Variants in SRGAP3 observed in about 807,000 individuals in gnomAD.
SRGAP3 encodes the protein SLIT-ROBO Rho GTPase-activating protein 3.
SRGAP3 carries 39 observed loss-of-function variants against 121.1 expected under a neutral mutation model. That is an observed-to-expected ratio of 0.32 (90% CI 0.25 to 0.42). The LOEUF is 0.42. Ranked by LOEUF, SRGAP3 falls within the 10% of genes least tolerant of loss-of-function variation. SRGAP3 has a pLI of 1.00. For missense variants in SRGAP3, 1,213 were observed against 1,470.6 expected, an observed-to-expected ratio of 0.82 and a Z score of 2.86; for synonymous variants, 601 against 570.0, an observed-to-expected ratio of 1.05 and a Z score of -0.77.
chr3:9,114,301 A>T (rs1948730259), intron 2 of SRGAP3, among the ~76,000 whole-genome samples: 1 of 152,244 alleles, frequency 6.6e-6, no homozygotes, highest in Admixed American at 6.5e-5. Flanking sequence ...AACCCTGCAC[A>T]TAATAGTACT....
chr3:9,344,040 G>A (rs539978824), intron 1 of SRGAP3, among the ~76,000 whole-genome samples: 16 of 152,302 alleles, frequency 1.1e-4, no homozygotes, highest in African/African-American at 2.2e-4. Context: ...TGAAAATAGC[G>A]TGGGCACGGT....
chr3:9,188,911 G>T (rs1256518657), intron 1 of SRGAP3, among the ~76,000 whole-genome samples: 3 of 152,186 alleles, frequency 2.0e-5, no homozygotes, highest in Admixed American at 2.0e-4. Context: ...ATTAAAGAAA[G>T]AATTTGAGTA....
rs372278951 is a variant in SRGAP3 at position 9,015,637 on chromosome 3, G to C, written c.1773C>G (p.Leu591=). The change falls in exon 15 of 22, where the codon CTC becomes CTG. Residue 591 remains leucine, a synonymous_variant. Transcript: ENST00000383836. ...KLYFRGLENP[L]FPKERFQDLI... ...AATCTTGAAACCTTTCCTTAGGAAA[G>C]AGTGGGTTTTCCAGTCCTCGGAAAT... 106 of 1,614,030 alleles carry C rather than the reference G, an allele frequency of 6.6e-5. 1 individual carries two copies. The African/African-American group carries it at 1.1e-3, about 16-fold the overall frequency.
At chr3:8,992,810 T>C (rs1942138968) in intron 20 of SRGAP3, 96 bp downstream of exon 20, 3 of 1,603,096 alleles carry the variant, frequency 1.9e-6, no homozygotes, top group Admixed American at 1.7e-5. Flanking sequence ...GGGGCTGCAG[T>C]AGGCTCCTTC....
At chr3:9,098,705 G>A (rs1948087391) in intron 3 of SRGAP3, among the ~76,000 whole-genome samples, 1 of 152,210 alleles carries the variant, frequency 6.6e-6, no homozygotes, top group Non-Finnish European at 1.5e-5. Flanking sequence ...TTCATCTTAG[G>A]TTTGAAGAGT....
intron 14 of SRGAP3, among the ~76,000 whole-genome samples, chr3:9,021,555 A>G (rs1233534700): frequency 2.0e-5 from 3 of 151,536 alleles, no homozygotes; most frequent in African/African-American, 7.3e-5. Context: ...ATGAGAAGGA[A>G]AAAAAAAAGT....
chr3:9,174,498 G>A (rs1016992683), intron 1 of SRGAP3, among the ~76,000 whole-genome samples: 22 of 152,198 alleles, frequency 1.4e-4, no homozygotes, highest in African/African-American at 4.8e-4. Flanking sequence ...AGGAGACTGC[G>A]GGCAGAATGA....
chr3:9,075,326 A>G (rs1473644939), intron 4 of SRGAP3, among the ~76,000 whole-genome samples: 1 of 152,212 alleles, frequency 6.6e-6, no homozygotes, highest in African/African-American at 2.4e-5. Context: ...GTGAATGTGC[A>G]TATGTGCTAG....
intron 1 of SRGAP3, among the ~76,000 whole-genome samples, chr3:9,208,731 T>C (rs1413133647): frequency 6.6e-6 from 1 of 152,198 alleles, no homozygotes; most frequent in Non-Finnish European, 1.5e-5. Flanking sequence ...GGAGTCCTAG[T>C]TCAGCACAGG....
intron 3 of SRGAP3, among the ~76,000 whole-genome samples, chr3:9,281,159 C>T (rs536675039): frequency 8.6e-4 from 131 of 152,216 alleles, no homozygotes; most frequent in African/African-American, 3.0e-3. Context: ...CACTGAAATC[C>T]CAGGACTCAC....
At chr3:9,027,304 G>C (rs143122240) in intron 12 of SRGAP3, among the ~76,000 whole-genome samples, 90 of 152,332 alleles carry the variant, frequency 5.9e-4, no homozygotes, top group Middle Eastern at 3.4e-3. Flanking sequence ...ACCACCTCGG[G>C]GGGGTGCTGG....
intron 1 of SRGAP3, among the ~76,000 whole-genome samples, chr3:9,224,811 G>A: frequency 6.6e-6 from 1 of 152,196 alleles, no homozygotes; most frequent in Non-Finnish European, 1.5e-5. Context: ...ACCACACAGG[G>A]AGGGGCTGGC....
At chr3:9,254,146 A>G (rs2600167), upstream of SRGAP3, among the ~76,000 whole-genome samples, 147,086 of 152,286 alleles carry the variant, frequency 0.97, 71,044 homozygotes, top group East Asian at 1. Context: ...ATACTCATAC[A>G]TGAATATTCG....
intron 1 of SRGAP3, among the ~76,000 whole-genome samples, chr3:9,211,792 C>A (rs1416674079): frequency 2.6e-5 from 4 of 151,548 alleles, no homozygotes; most frequent in African/African-American, 9.7e-5. Context: ...CCTCTCACAT[C>A]AGCATCCTGA....
At chr3:9,354,060 C>G (rs981914441) in intron 1 of SRGAP3, among the ~76,000 whole-genome samples, 1 of 152,134 alleles carries the variant, frequency 6.6e-6, no homozygotes, top group Non-Finnish European at 1.5e-5. Context: ...ATCCCTTACA[C>G]TTAAAAGGTA....
At position 8,984,849 on chromosome 3, in the gene SRGAP3, G is replaced by C. The variant is rs1313322195; in HGVS notation, c.*670C>G. The C allele has an allele frequency of 4.3e-6, 1 of 229,930 alleles. No homozygotes were observed. Among genetic ancestry groups the C allele is most frequent in the Non-Finnish European group, 8.6e-6 (1 of 115,826 alleles). The allele number at this position is 229,930 out of a possible 1,614,324, so 14.2% of individuals were successfully genotyped here. ...GTTCTGGAAGGCCACGACTTCTGGAGACAGTGGGAGTCTGTTTTTGTTTGT... is the reference window on the plus strand; with the variant it reads ...GTTCTGGAAGGCCACGACTTCTGGACACAGTGGGAGTCTGTTTTTGTTTGT... On this transcript the variant is annotated 3_prime_UTR_variant, in exon 22 of 22. Transcript: ENST00000383836.
intron 3 of SRGAP3, among the ~76,000 whole-genome samples, chr3:9,082,816 AG>A (rs976578955): frequency 2.0e-5 from 3 of 152,124 alleles, no homozygotes; most frequent in Non-Finnish European, 4.4e-5. Context: ...ATGCCTTCTC[AG>A]GCTCCTTCTC....
intron 20 of SRGAP3, 57 bp from the exon 21 acceptor site, chr3:8,990,896 C>T (rs1454150790): frequency 7.0e-7 from 1 of 1,424,790 alleles, no homozygotes; most frequent in East Asian, 2.4e-5. Context: ...TGGCAAGTCT[C>T]AGAATGGGTG....
rs1200734471 is a variant in SRGAP3 at position 8,994,483 on chromosome 3, C to A, written c.2268G>T (p.Met756Ile). The change falls in exon 19 of 22, where the codon ATG becomes ATT. Residue 756 changes from methionine (M) to isoleucine (I), a missense_variant. By Grantham distance (10) the Met-to-Ile change is conservative. This residue lies in a region of SRGAP3 where 793 missense variants were observed against 1,032.9 expected (regional missense o/e 0.77). Coordinates refer to ENST00000383836, the MANE Select transcript of SRGAP3 (RefSeq NM_014850.4). ...QIEAIAKFDY[M>I]GRSPRELSFK... ...AGGATAGCTCACGCGGGGACCGCCC[C>A]ATGTAGTCAAACTTGGCAATAGCCT... is the stretch of plus-strand genomic sequence containing the variant. The A allele has an allele frequency of 1.2e-6, 2 of 1,614,012 alleles. No individual in the cohort carries two copies. The highest frequency in any genetic ancestry group is 4.5e-5 in the East Asian group (2 of 44,886).
Sources: allele counts gnomAD v4.1 joint callset (sites outside exome capture counted in the v4.1 genomes callset), GRCh38; gene constraint gnomAD v4.1.1; regional missense constraint gnomAD v4.1.1; transcripts MANE v1.5; gene names NCBI Gene and HGNC (gene_info 2026-07-23, HGNC 2026-07-21).